The following PIK3AP1 variants were observed in gnomAD, a reference collection of about 807,000 sequenced individuals.
PIK3AP1 encodes the protein phosphoinositide 3-kinase adapter protein 1.
Under a neutral mutation model 88.1 loss-of-function variants are expected in PIK3AP1, and 21 were observed. That is an observed-to-expected ratio of 0.24 (90% confidence interval 0.17 to 0.34). The LOEUF (loss-of-function observed/expected upper bound fraction) is 0.34, where lower values mean the gene tolerates loss of function less well. PIK3AP1 is among the 10% of genes least tolerant of loss of function. The probability of loss-of-function intolerance (pLI) is 1.00; values close to 1 mark genes in which losing one functional copy is unlikely to be tolerated. For missense variants in PIK3AP1, 828 were observed against 1,035.7 expected (o/e 0.80, Z 2.75); for synonymous variants, 398 against 400.0 (o/e 1.00, Z 0.06).
chr10:96,688,564 C>T (rs570177311), intron 2 of PIK3AP1, among the ~76,000 whole-genome samples: 2 of 152,098 alleles, frequency 1.3e-5, no homozygotes, highest in Non-Finnish European at 2.9e-5. Context: ...TTTGGTAGCC[C>T]GAGGCAGGTG....
chr10:96,700,693 GGCACCAGGACAGCA>G, intron 2 of PIK3AP1: 1 of 522,266 alleles, frequency 1.9e-6, no homozygotes, highest in Non-Finnish European at 2.5e-6. Context: ...ACAGGCACAA[GGCACCAGGACAGCA>G]GCACCACAAT....
intron 2 of PIK3AP1, among the ~76,000 whole-genome samples, chr10:96,666,996 T>C (rs1309620722): frequency 2.0e-5 from 3 of 152,166 alleles, no homozygotes; most frequent in Non-Finnish European, 2.9e-5. Flanking sequence ...CCTGGAGCTT[T>C]TGCTGTCACT....
chr10:96,698,390 C>T lies in PIK3AP1; in HGVS notation c.430+11177G>A, dbSNP rs147646465. Among the ~76,000 whole-genome samples, 32 of 152,270 alleles carry T rather than the reference C, an allele frequency of 2.1e-4. No homozygotes were observed. The East Asian group carries it at 5.0e-3, about 24-fold the overall frequency. On this transcript the variant is annotated intron_variant, in intron 2 of 16. Coordinates refer to ENST00000339364, the MANE Select transcript of PIK3AP1 (RefSeq NM_152309.3). ...AATAGGCCGGACGCTGTGGCTCACG[C>T]CTGTAATTCCAGCACTTTGAGAGGC...
chr10:96,607,311 G>A (rs1849019085), intron 14 of PIK3AP1, among the ~76,000 whole-genome samples: 1 of 152,100 alleles, frequency 6.6e-6, no homozygotes, highest in African/African-American at 2.4e-5. Flanking sequence ...CAAGAGACTT[G>A]GGGCAAGTTG....
chr10:96,626,685 A>G, intron 10 of PIK3AP1, 23 bp downstream of exon 10: 1 of 1,610,442 alleles, frequency 6.2e-7, no homozygotes, highest in Non-Finnish European at 8.5e-7. Flanking sequence ...ACCCAGTTGG[A>G]CATCATTCCC....
chr10:96,647,473 T>C (rs1275774752), intron 7 of PIK3AP1, among the ~76,000 whole-genome samples: 1 of 152,228 alleles, frequency 6.6e-6, no homozygotes, highest in Non-Finnish European at 1.5e-5. Flanking sequence ...TAAAAACTAT[T>C]GGCATGGAAA....
chr10:96,695,926 G>A (rs1844212981), intron 2 of PIK3AP1, among the ~76,000 whole-genome samples: 1 of 152,182 alleles, frequency 6.6e-6, no homozygotes, highest in Non-Finnish European at 1.5e-5. Context: ...TACATGTGCT[G>A]TGTAGGCTCC....
In PIK3AP1 at chr10:96,656,797, C is replaced by T; in HGVS notation, c.567+1G>A. The T allele has an allele frequency of 6.2e-7, 1 of 1,613,968 alleles. No homozygotes were observed. Among genetic ancestry groups the T allele is most frequent in the Non-Finnish European group, 8.5e-7 (1 of 1,179,996 alleles). ...GCTACCAGGCCCCCAGCAGTGCCTA[C>T]CCCACAGCGAATGCGGTCCGGCTGC... On this transcript the variant is annotated splice_donor_variant, in intron 3 of 16. Coordinates refer to ENST00000339364, the MANE Select transcript of PIK3AP1 (RefSeq NM_152309.3). LOFTEE classifies it high-confidence loss of function.
chr10:96,662,913 A>AAAC (rs1843711475), intron 2 of PIK3AP1, among the ~76,000 whole-genome samples: 1 of 147,586 alleles, frequency 6.8e-6, no homozygotes, highest in African/African-American at 2.5e-5. Flanking sequence ...AAAAAAAAAA[A>AAAC]AAAAGAGGGA....
chr10:96,681,169 C>A (rs1276436833), intron 2 of PIK3AP1, among the ~76,000 whole-genome samples: 1 of 152,176 alleles, frequency 6.6e-6, no homozygotes, highest in Non-Finnish European at 1.5e-5. Flanking sequence ...TCCATAATTT[C>A]TCTTCCGTGT....
At chr10:96,616,604 T>A (rs779606062) in intron 13 of PIK3AP1, 35 bp downstream of exon 13, 16 of 1,605,156 alleles carry the variant, frequency 1.0e-5, no homozygotes, top group Non-Finnish European at 1.4e-5. Context: ...GACAGCAATG[T>A]CCCACACAAT....
intron 14 of PIK3AP1, 102 bp downstream of exon 14, chr10:96,609,610 C>T (rs746803689): frequency 1.3e-4 from 173 of 1,376,828 alleles, no homozygotes; most frequent in Non-Finnish European, 1.6e-4. Flanking sequence ...CCAGGCCCCA[C>T]TGGAGATCTC....
intron 14 of PIK3AP1, among the ~76,000 whole-genome samples, chr10:96,607,996 T>G (rs575111856): frequency 6.6e-6 from 1 of 152,126 alleles, no homozygotes; most frequent in Non-Finnish European, 1.5e-5. Context: ...GTAAAATCCA[T>G]TGGTCTGTCA....
intron 13 of PIK3AP1, among the ~76,000 whole-genome samples, chr10:96,612,135 G>T (rs1307688014): frequency 6.6e-6 from 1 of 152,184 alleles, no homozygotes; most frequent in African/African-American, 2.4e-5. Context: ...ATCATAAAGT[G>T]ATTCAGTGAC....
chr10:96,612,889 C>G (rs1424526617), intron 13 of PIK3AP1, among the ~76,000 whole-genome samples: 1 of 141,706 alleles, frequency 7.1e-6, no homozygotes, highest in Admixed American at 7.3e-5. Flanking sequence ...TCTAGAAATG[C>G]AAGTGGTAGT....
At chr10:96,705,081 T>C (rs989154572) in intron 2 of PIK3AP1, among the ~76,000 whole-genome samples, 3 of 152,202 alleles carry the variant, frequency 2.0e-5, no homozygotes, top group South Asian at 4.1e-4. Flanking sequence ...AATAGACATA[T>C]AGCCATGTAA....
chr10:96,700,990 C>A (rs1186189938), intron 2 of PIK3AP1: 2 of 709,050 alleles, frequency 2.8e-6, no homozygotes, highest in East Asian at 2.7e-4. Context: ...TGAGCTACCG[C>A]GGGCTCCTGT....
intron 1 of PIK3AP1, among the ~76,000 whole-genome samples, chr10:96,715,418 C>T (rs1564993654): frequency 6.6e-6 from 1 of 152,102 alleles, no homozygotes; most frequent in Non-Finnish European, 1.5e-5. Context: ...CTGAGGAAAG[C>T]CTGAACTTTT....
At chr10:96,711,899 C>T (rs567203185) in intron 1 of PIK3AP1, among the ~76,000 whole-genome samples, 25 of 151,516 alleles carry the variant, frequency 1.6e-4, no homozygotes, top group Non-Finnish European at 3.7e-4. Flanking sequence ...TACAGGCGCC[C>T]GCCATCACGC....
Sources: allele counts gnomAD v4.1 joint callset (sites outside exome capture counted in the v4.1 genomes callset), GRCh38; gene constraint gnomAD v4.1.1; transcripts MANE v1.5; gene names NCBI Gene and HGNC (gene_info 2026-07-23, HGNC 2026-07-21).